DZIP3: variants seen among roughly 807,000 people sequenced by gnomAD.
The protein encoded by DZIP3 is DAZ interacting zinc finger protein 3.
DZIP3 carries 118 observed loss-of-function variants against 162.0 expected under a neutral mutation model. That is an observed-to-expected ratio of 0.73 (90% CI 0.63 to 0.85). The LOEUF (loss-of-function observed/expected upper bound fraction) is 0.85. Ranked by LOEUF, DZIP3 falls within the 40% of genes least tolerant of loss-of-function variation. DZIP3 has a pLI of 0.00. For synonymous variants in DZIP3, 438 were observed against 458.6 expected, an observed-to-expected ratio of 0.96 and a Z score of 0.57; for missense variants, 1,331 against 1,407.0, an observed-to-expected ratio of 0.95 and a Z score of 0.86.
At position 108,675,772 on chromosome 3, in the gene DZIP3, C is replaced by A; in HGVS notation, c.2694-14C>A. On this transcript the variant is annotated splice_polypyrimidine_tract_variant and intron_variant, in intron 24 of 32. Transcript: ENST00000361582. ...AAGAAAGAGTTTTCTTTTGTGTCTC[C>A]TTTTCTACAACAGCAACCTAGAATC... 1.3e-6 allele frequency: 2 copies of A among 1,589,054 alleles called. No homozygotes were observed. The highest frequency in any genetic ancestry group is 3.8e-5 in the Admixed American group (2 of 52,700).
intron 23 of DZIP3, among the ~76,000 whole-genome samples, chr3:108,673,850 A>G (rs9844314): frequency 0.15 from 23,055 of 151,976 alleles, 2,169 homozygotes; most frequent in Non-Finnish European, 0.22. Context: ...TTGAAAAGAC[A>G]TGATCTGGAA....
chr3:108,661,570 G>A (rs544541644), intron 19 of DZIP3, among the ~76,000 whole-genome samples: 276 of 152,100 alleles, frequency 1.8e-3, no homozygotes, highest in African/African-American at 6.4e-3. Flanking sequence ...CACCAACATG[G>A]CACATGTATA....
At chr3:108,634,414 A>G (rs1401680309) in intron 9 of DZIP3, among the ~76,000 whole-genome samples, 2 of 152,152 alleles carry the variant, frequency 1.3e-5, no homozygotes, top group Admixed American at 1.3e-4. Flanking sequence ...CAAGCAATCT[A>G]TACCCTCGGA....
chr3:108,621,988 A>T (rs1312862120), intron 5 of DZIP3, among the ~76,000 whole-genome samples: 1 of 152,036 alleles, frequency 6.6e-6, no homozygotes, highest in Non-Finnish European at 1.5e-5. Flanking sequence ...ACTTGAACTC[A>T]GGAGTTCAAG....
chr3:108,628,982 G>A lies in DZIP3; in HGVS notation c.582-80G>A. 3.7e-6 allele frequency: 3 copies of A among 818,604 alleles called. No individual in the cohort carries two copies. The East Asian group carries it at 8.5e-5, about 23-fold the overall frequency. 50.7% of individuals were successfully genotyped at this position (818,604 alleles called of 1,614,324 possible). The stretch of plus-strand genomic sequence containing the variant: ...CACCACCCTATTTACCACAAAAAAA[G>A]GGTTATTTGTTGTCTCATTGGTAAA... On this transcript the variant is annotated intron_variant, in intron 7 of 32. Transcript: ENST00000361582.
chr3:108,657,964 A>G (rs1276948980), intron 19 of DZIP3, among the ~76,000 whole-genome samples: 1 of 152,228 alleles, frequency 6.6e-6, no homozygotes, highest in Non-Finnish European at 1.5e-5. Flanking sequence ...TATGCACCCA[A>G]TATAGGAGCA....
At chr3:108,634,318 C>T (rs1371529942) in intron 9 of DZIP3, among the ~76,000 whole-genome samples, 1 of 152,116 alleles carries the variant, frequency 6.6e-6, no homozygotes, top group African/African-American at 2.4e-5. Context: ...GCAGGAATAC[C>T]TGGGCACACA....
chr3:108,680,773 A>G (rs137914941), intron 26 of DZIP3, among the ~76,000 whole-genome samples: 1 of 152,194 alleles, frequency 6.6e-6, no homozygotes, highest in African/African-American at 2.4e-5. Flanking sequence ...CCAATGGAAC[A>G]GAACAGAAGC....
chr3:108,597,710 CAG>C (rs1939780916), intron 1 of DZIP3, among the ~76,000 whole-genome samples: 1 of 152,138 alleles, frequency 6.6e-6, no homozygotes, highest in Non-Finnish European at 1.5e-5. Context: ...ATGCACACCT[CAG>C]GGGATATGTG....
chr3:108,640,891 G>C (rs897199509), intron 12 of DZIP3, among the ~76,000 whole-genome samples: 17 of 151,590 alleles, frequency 1.1e-4, no homozygotes, highest in African/African-American at 3.9e-4. Context: ...TTTCTTTGTA[G>C]GTGGCATAGG....
At chr3:108,642,391 T>C (rs754609368) in intron 12 of DZIP3, 47 bp from the exon 13 acceptor site, 20 of 1,438,542 alleles carry the variant, frequency 1.4e-5, no homozygotes, top group Middle Eastern at 5.0e-4. Context: ...TGACTGACTT[T>C]GGTATTATTT....
At chr3:108,603,589 G>C (rs1201214256) in intron 1 of DZIP3, among the ~76,000 whole-genome samples, 1 of 152,102 alleles carries the variant, frequency 6.6e-6, no homozygotes, top group Non-Finnish European at 1.5e-5. Flanking sequence ...GCAATGAAGT[G>C]TTTTTGTTGG....
intron 18 of DZIP3, among the ~76,000 whole-genome samples, chr3:108,652,113 T>C (rs1302998268): frequency 6.6e-6 from 1 of 151,624 alleles, no homozygotes. Context: ...TGAAACAATG[T>C]CATCAATCAC....
intron 12 of DZIP3, among the ~76,000 whole-genome samples, chr3:108,641,894 G>T (rs1942415690): frequency 1.3e-5 from 2 of 152,126 alleles, no homozygotes; most frequent in Admixed American, 1.3e-4. Context: ...CAAGCCATCT[G>T]TTTAACGGCA....
chr3:108,641,475 G>T (rs979602581), intron 12 of DZIP3, among the ~76,000 whole-genome samples: 1 of 151,878 alleles, frequency 6.6e-6, no homozygotes. Flanking sequence ...CTAGGTCCTG[G>T]CTATAACAAT....
intron 9 of DZIP3, among the ~76,000 whole-genome samples, chr3:108,633,657 G>C (rs1229093960): frequency 7.0e-6 from 1 of 143,742 alleles, no homozygotes; most frequent in African/African-American, 2.6e-5. Context: ...CTCTCTCTCT[G>C]GATCTATCAG....
chr3:108,674,006 G>C (rs1944012946), intron 23 of DZIP3, 72 bp from the exon 24 acceptor site: 1 of 1,141,660 alleles, frequency 8.8e-7, no homozygotes, highest in South Asian at 1.3e-5. Flanking sequence ...ATTTACTTGA[G>C]ATGATTGAGA....
At chr3:108,659,091 G>A (rs759024971) in intron 19 of DZIP3, among the ~76,000 whole-genome samples, 4 of 152,126 alleles carry the variant, frequency 2.6e-5, no homozygotes, top group Admixed American at 1.3e-4. Context: ...CATTCCTTCC[G>A]AAACTATTCC....
chr3:108,653,498 T>A (rs1406423134), intron 18 of DZIP3, among the ~76,000 whole-genome samples: 1 of 32,134 alleles, frequency 3.1e-5, no homozygotes, highest in African/African-American at 9.1e-5. Context: ...ATTGCCATTG[T>A]GTGTGTGTGT....
Sources: allele counts gnomAD v4.1 joint callset (sites outside exome capture counted in the v4.1 genomes callset), GRCh38; gene constraint gnomAD v4.1.1; transcripts MANE v1.5; gene names NCBI Gene and HGNC (gene_info 2026-07-23, HGNC 2026-07-21).